Variants in WDPCP observed in about 807,000 individuals in gnomAD.
The protein encoded by WDPCP is WD repeat containing planar cell polarity effector.
Under a neutral mutation model 93.1 loss-of-function variants are expected in WDPCP, and 71 were observed. That is an observed-to-expected ratio of 0.76 (90% CI 0.63 to 0.93). The LOEUF is 0.93. Ranked by LOEUF, WDPCP falls within the 40% of genes least tolerant of loss-of-function variation. The pLI is 0.00. For synonymous variants in WDPCP, 315 were observed against 315.0 expected, an observed-to-expected ratio of 1.00 and a Z score of 0.00; for missense variants, 844 against 887.4, an observed-to-expected ratio of 0.95 and a Z score of 0.62.
intron 14 of WDPCP, among the ~76,000 whole-genome samples, chr2:63,184,616 C>G (rs1221449156): frequency 6.6e-6 from 1 of 151,974 alleles, no homozygotes; most frequent in African/African-American, 2.4e-5. Context: ...TTACAAGTGA[C>G]TAGATGATTT....
chr2:63,630,386 G>C (rs1450764321), intron 3 of WDPCP, among the ~76,000 whole-genome samples: 1 of 151,992 alleles, frequency 6.6e-6, no homozygotes, highest in Non-Finnish European at 1.5e-5. Flanking sequence ...CAGTCTACAA[G>C]AAACTTACTT....
intron 2 of WDPCP, among the ~76,000 whole-genome samples, chr2:63,672,247 A>T (rs1268736200): frequency 6.6e-6 from 1 of 152,216 alleles, no homozygotes; most frequent in African/African-American, 2.4e-5. Context: ...ATTTGTCATT[A>T]GATCTGTCAG....
intron 13 of WDPCP, among the ~76,000 whole-genome samples, chr2:63,291,023 T>C (rs1684379299): frequency 6.6e-6 from 1 of 152,204 alleles, no homozygotes; most frequent in African/African-American, 2.4e-5. Flanking sequence ...TTGATTTTGT[T>C]CCATAAGTCA....
intron 12 of WDPCP, among the ~76,000 whole-genome samples, chr2:63,354,945 TAA>T (rs1689903165): frequency 6.6e-6 from 1 of 152,132 alleles, no homozygotes; most frequent in Non-Finnish European, 1.5e-5. Context: ...TGGGATTATG[TAA>T]AGAGGCCAAA....
At chr2:63,704,294 C>T (rs1669111491) in intron 2 of WDPCP, among the ~76,000 whole-genome samples, 1 of 152,094 alleles carries the variant, frequency 6.6e-6, no homozygotes, top group South Asian at 2.1e-4. Flanking sequence ...CCTTTATTTC[C>T]TTCTCCTGCC....
chr2:63,763,147 C>G (rs1458067931), intron 2 of WDPCP, among the ~76,000 whole-genome samples: 1 of 151,986 alleles, frequency 6.6e-6, no homozygotes, highest in Non-Finnish European at 1.5e-5. Context: ...GGGGGTATGC[C>G]TTATTGTTCT....
intron 2 of WDPCP, among the ~76,000 whole-genome samples, chr2:63,674,303 A>C (rs1262681527): frequency 6.6e-6 from 1 of 152,168 alleles, no homozygotes; most frequent in African/African-American, 2.4e-5. Context: ...AAAGCTTGCC[A>C]TGGGTTTTTG....
At chr2:63,261,189 G>GT (rs70965114) in intron 13 of WDPCP, among the ~76,000 whole-genome samples, 285 of 138,780 alleles carry the variant, frequency 2.1e-3, no homozygotes, top group Non-Finnish European at 2.7e-3. Flanking sequence ...TTTTTTTTCT[G>GT]TTTTTTTTTT....
At chr2:63,465,134 A>ATTATTTAT (rs912139828) in intron 6 of WDPCP, among the ~76,000 whole-genome samples, 2 of 151,672 alleles carry the variant, frequency 1.3e-5, no homozygotes, top group Non-Finnish European at 2.9e-5. Context: ...AAATTTATTT[A>ATTATTTAT]TTATTTATTT....
chr2:63,582,393 A>T (rs1444967000), intron 1 of WDPCP, among the ~76,000 whole-genome samples: 1 of 152,240 alleles, frequency 6.6e-6, no homozygotes, highest in African/African-American at 2.4e-5. Flanking sequence ...AATTTTAAAA[A>T]TAAACAGAGC....
chr2:63,451,376 C>A (rs1332877253), intron 6 of WDPCP, among the ~76,000 whole-genome samples: 1 of 152,148 alleles, frequency 6.6e-6, no homozygotes, highest in African/African-American at 2.4e-5. Flanking sequence ...CACATACACC[C>A]TTCCAAGACT....
intron 14 of WDPCP, among the ~76,000 whole-genome samples, chr2:63,220,859 C>G (rs1355804652): frequency 6.6e-6 from 1 of 152,128 alleles, no homozygotes; most frequent in Non-Finnish European, 1.5e-5. Context: ...TCTCCCTCCC[C>G]CTGCCCACCA....
chr2:63,525,598 G>T (rs2106190786), intron 1 of WDPCP, among the ~76,000 whole-genome samples: 2 of 152,020 alleles, frequency 1.3e-5, no homozygotes, highest in East Asian at 1.9e-4. Context: ...TCCAGCTATT[G>T]GTTTTCTTAG....
chr2:63,140,193 C>T (rs7566031), intron 17 of WDPCP, among the ~76,000 whole-genome samples: 38,947 of 151,968 alleles, frequency 0.26, 5,455 homozygotes, highest in Middle Eastern at 0.39. Context: ...TATACCAGTA[C>T]CATGCTGTTT....
chr2:63,314,186 T>C, intron 12 of WDPCP, among the ~76,000 whole-genome samples: 1 of 7,654 alleles, frequency 1.3e-4, no homozygotes, highest in South Asian at 8.9e-3. Context: ...CCCATCTTCT[T>C]TTTTTTTTAA....
At chr2:63,510,409 C>T (rs1449552229) in intron 1 of WDPCP, among the ~76,000 whole-genome samples, 1 of 152,086 alleles carries the variant, frequency 6.6e-6, no homozygotes, top group Non-Finnish European at 1.5e-5. Flanking sequence ...ACTTAATAAA[C>T]TAGGTATTGG....
At chr2:63,330,018 T>A (rs1032345334) in intron 12 of WDPCP, among the ~76,000 whole-genome samples, 1 of 152,234 alleles carries the variant, frequency 6.6e-6, no homozygotes, top group African/African-American at 2.4e-5. Context: ...TGTTTCCGTA[T>A]CTCAACTGTT....
chr2:63,447,724 T>C (rs1294835660), intron 6 of WDPCP, among the ~76,000 whole-genome samples: 1 of 152,142 alleles, frequency 6.6e-6, no homozygotes, highest in Middle Eastern at 3.2e-3. Context: ...ACTATGTATC[T>C]AGTAAAAATA....
chr2:63,374,137 T>A (rs1691643340), intron 12 of WDPCP, among the ~76,000 whole-genome samples: 1 of 151,864 alleles, frequency 6.6e-6, no homozygotes, highest in Non-Finnish European at 1.5e-5. Flanking sequence ...TGCTGTCCCA[T>A]TCAAGGGTTC....
Sources: gnomAD v4.1 joint callset for allele counts (sites outside exome capture counted in the v4.1 genomes callset) on GRCh38, gnomAD v4.1.1 for gene constraint, MANE v1.5 for transcripts, NCBI Gene and HGNC (gene_info 2026-07-23, HGNC 2026-07-21) for gene names.